The following KCNQ5 variants were observed in gnomAD, a reference collection of about 807,000 sequenced individuals.
KCNQ5 encodes potassium voltage-gated channel subfamily Q member 5.
KCNQ5 carries 30 observed loss-of-function variants against 98.2 expected under a neutral mutation model. The ratio of observed to expected loss-of-function variants is 0.31; its 90% CI spans 0.23 to 0.41. The LOEUF is 0.41. Ranked by LOEUF, KCNQ5 falls within the 10% of genes least tolerant of loss-of-function variation. The pLI, the probability that KCNQ5 is intolerant of heterozygous loss-of-function variation, is 1.00. For missense variants in KCNQ5, 835 were observed against 1,182.5 expected (o/e 0.71, Z 4.31); for synonymous variants, 458 against 449.4 (o/e 1.02, Z -0.24).
chr6:72,814,617 T>C (rs1775410598), intron 1 of KCNQ5, among the ~76,000 whole-genome samples: 1 of 152,198 alleles, frequency 6.6e-6, no homozygotes. Flanking sequence ...GCTATGCTCT[T>C]TGTTTCTGTG....
rs1767098096 is a variant in KCNQ5, at chr6:72,671,433, A to G, written c.398+48846A>G. 2.6e-5 allele frequency among the ~76,000 whole-genome samples: 4 copies of G among 152,170 alleles called. No homozygotes were observed. The South Asian group carries it at 8.3e-4, about 32-fold the overall frequency. ...TTTTGATAAAGTCTCAGTAATTGCA[A>G]CTACTGAGGTTTTCATAAACTTTAT... On this transcript the variant is annotated intron_variant, in intron 1 of 13. Coordinates refer to ENST00000370398, the MANE Select transcript of KCNQ5 (RefSeq NM_019842.4).
chr6:72,888,132 G>C (rs960027931), intron 1 of KCNQ5, among the ~76,000 whole-genome samples: 1 of 152,064 alleles, frequency 6.6e-6, no homozygotes, highest in Non-Finnish European at 1.5e-5. Context: ...AATACATAAA[G>C]TAAAACGTTA....
chr6:73,062,996 T>TA (rs1276072958), intron 3 of KCNQ5, among the ~76,000 whole-genome samples: 2 of 152,152 alleles, frequency 1.3e-5, no homozygotes, highest in Admixed American at 1.3e-4. Flanking sequence ...TTTTCTGGAG[T>TA]ATTTACAGGT....
At chr6:72,832,439 TC>T (rs1349708775) in intron 1 of KCNQ5, among the ~76,000 whole-genome samples, 1 of 152,052 alleles carries the variant, frequency 6.6e-6, no homozygotes, top group Non-Finnish European at 1.5e-5. Context: ...ACCACTGGCA[TC>T]CCTGGGTAGA....
chr6:73,041,453 A>G (rs777833686), intron 2 of KCNQ5, among the ~76,000 whole-genome samples: 2 of 152,230 alleles, frequency 1.3e-5, no homozygotes, highest in African/African-American at 2.4e-5. Flanking sequence ...AATTCAGTAT[A>G]CTTCGAAATA....
intron 1 of KCNQ5, among the ~76,000 whole-genome samples, chr6:72,978,684 T>C (rs1768275127): frequency 6.6e-6 from 1 of 152,190 alleles, no homozygotes; most frequent in South Asian, 2.1e-4. Flanking sequence ...AGGAACACAA[T>C]TTTTTTATTA....
intron 3 of KCNQ5, among the ~76,000 whole-genome samples, chr6:73,061,728 T>G (rs1772791677): frequency 6.6e-6 from 1 of 152,208 alleles, no homozygotes; most frequent in Non-Finnish European, 1.5e-5. Context: ...AGAATTTTAG[T>G]TGTAACTTTT....
chr6:73,069,158 G>A (rs770696176), intron 3 of KCNQ5, among the ~76,000 whole-genome samples: 9 of 151,814 alleles, frequency 5.9e-5, no homozygotes, highest in African/African-American at 9.7e-5. Flanking sequence ...GGATAAATTC[G>A]TCTATGTGCC....
chr6:72,917,036 G>A (rs1780176877), intron 1 of KCNQ5, among the ~76,000 whole-genome samples: 1 of 152,168 alleles, frequency 6.6e-6, no homozygotes, highest in Non-Finnish European at 1.5e-5. Context: ...GAGGAATAAG[G>A]CATCAGCGTT....
intron 1 of KCNQ5, among the ~76,000 whole-genome samples, chr6:72,849,410 T>C (rs181753824): frequency 1.4e-3 from 211 of 152,316 alleles, no homozygotes; most frequent in African/African-American, 4.8e-3. Context: ...CCACCAACAG[T>C]ATGTAAGCAT....
intron 10 of KCNQ5, among the ~76,000 whole-genome samples, chr6:73,152,206 GT>G (rs374696817): frequency 0.014 from 2,138 of 148,770 alleles, 46 homozygotes; most frequent in African/African-American, 0.049. Flanking sequence ...ATCTTATTGG[GT>G]TTTTTTTTTC....
At chr6:72,662,943 C>T (rs1446106536) in intron 1 of KCNQ5, among the ~76,000 whole-genome samples, 1 of 152,060 alleles carries the variant, frequency 6.6e-6, no homozygotes, top group African/African-American at 2.4e-5. Context: ...TTTTAAAAAC[C>T]TTCCAAGATA....
chr6:72,917,109 C>G (rs954432801), intron 1 of KCNQ5, among the ~76,000 whole-genome samples: 1 of 152,086 alleles, frequency 6.6e-6, no homozygotes, highest in Non-Finnish European at 1.5e-5. Flanking sequence ...TGGAGAGGAG[C>G]CCAGGGTGCT....
In KCNQ5 at chr6:73,154,456, G is replaced by T. The variant is rs188075813; in HGVS notation, c.1469-15290G>T. ...ATGCTATCTTGCTGTAAAGTATTTA[G>T]ATTTCCATTAGTGTTACATTGTTCC... is the stretch of plus-strand genomic sequence containing the variant. On this transcript the variant is annotated intron_variant, in intron 10 of 13. Coordinates refer to ENST00000370398, the MANE Select transcript of KCNQ5 (RefSeq NM_019842.4). Among the ~76,000 whole-genome samples, 76 of 152,250 alleles carry T rather than the reference G, an allele frequency of 5.0e-4. No homozygotes were observed. In the Middle Eastern group the frequency reaches 0.017, roughly 34 times the overall value.
intron 1 of KCNQ5, among the ~76,000 whole-genome samples, chr6:72,869,786 C>T (rs914575575): frequency 1.3e-5 from 2 of 152,190 alleles, no homozygotes; most frequent in Non-Finnish European, 2.9e-5. Context: ...ATATTCCCCA[C>T]AGGGGGAGCG....
At chr6:72,654,786 GA>G (rs1180314421) in intron 1 of KCNQ5, among the ~76,000 whole-genome samples, 1 of 152,034 alleles carries the variant, frequency 6.6e-6, no homozygotes, top group African/African-American at 2.4e-5. Flanking sequence ...ACATGAAAAT[GA>G]TTACATACAT....
chr6:72,694,396 C>G lies in KCNQ5; in HGVS notation c.398+71809C>G, dbSNP rs927769356. Among the ~76,000 whole-genome samples, 14 of 152,126 alleles carry G rather than the reference C, an allele frequency of 9.2e-5. 1 individual carries two copies. The highest frequency in any genetic ancestry group is 5.9e-4 in the Admixed American group (9 of 15,274). On this transcript the variant is annotated intron_variant, in intron 1 of 13. Transcript: ENST00000370398. ...AAGGCTTGATATGTAAGAGATGCAT[C>G]CTTACTTTGTGCCTGTCCTTTCTTC...
chr6:72,669,036 A>G (rs1766966333), intron 1 of KCNQ5, among the ~76,000 whole-genome samples: 1 of 152,090 alleles, frequency 6.6e-6, no homozygotes, highest in Non-Finnish European at 1.5e-5. Context: ...GCCCCCCAAA[A>G]TGTATGTCCT....
At chr6:72,997,707 C>G (rs1036547718) in intron 1 of KCNQ5, among the ~76,000 whole-genome samples, 1 of 143,564 alleles carries the variant, frequency 7.0e-6, no homozygotes. Flanking sequence ...GGCGTGAATC[C>G]GGAAGGGGGA....
Sources: gnomAD v4.1 joint callset for allele counts (sites outside exome capture counted in the v4.1 genomes callset) on GRCh38, gnomAD v4.1.1 for gene constraint, MANE v1.5 for transcripts, NCBI Gene and HGNC (gene_info 2026-07-23, HGNC 2026-07-21) for gene names.